CPNE8: variants seen among roughly 807,000 people sequenced by gnomAD.
The protein encoded by CPNE8 is copine 8.
In CPNE8, 45 loss-of-function variants were observed where a neutral mutation model predicts 81.5. The observed-to-expected ratio is 0.55, with a 90% CI of 0.44 to 0.71. CPNE8 has a LOEUF of 0.71. Among genes scored for constraint, CPNE8 ranks in the 30% least tolerant of loss-of-function variants. The pLI is 0.00. For synonymous variants in CPNE8, 252 were observed against 226.3 expected, an observed-to-expected ratio of 1.11 and a Z score of -1.02; for missense variants, 594 against 672.1, an observed-to-expected ratio of 0.88 and a Z score of 1.28.
intron 10 of CPNE8, among the ~76,000 whole-genome samples, chr12:38,733,065 TA>T (rs1940870578): frequency 6.6e-6 from 1 of 151,926 alleles, no homozygotes; most frequent in Non-Finnish European, 1.5e-5. Context: ...GAGGATTTGC[TA>T]AAAGTCATAA....
At chr12:38,657,588 AC>A (rs1360889112) in intron 19 of CPNE8, among the ~76,000 whole-genome samples, 1 of 151,630 alleles carries the variant, frequency 6.6e-6, no homozygotes, top group Non-Finnish European at 1.5e-5. Flanking sequence ...TGGGTCCCTG[AC>A]CCCCGTATAG....
intron 1 of CPNE8, among the ~76,000 whole-genome samples, chr12:38,903,238 A>T (rs970093697): frequency 6.6e-6 from 1 of 152,268 alleles, no homozygotes; most frequent in Non-Finnish European, 1.5e-5. Context: ...GTAAATAGTA[A>T]GCTGAGTCAG....
chr12:38,673,950 A>G, intron 18 of CPNE8, among the ~76,000 whole-genome samples: 1 of 152,112 alleles, frequency 6.6e-6, no homozygotes, highest in East Asian at 1.9e-4. Context: ...GGAAAAAGTA[A>G]TGGGAATGTG....
intron 16 of CPNE8, among the ~76,000 whole-genome samples, chr12:38,680,040 C>A (rs1416675882): frequency 6.6e-6 from 1 of 151,708 alleles, no homozygotes; most frequent in Non-Finnish European, 1.5e-5. Flanking sequence ...AGCCAGCTGT[C>A]TTTTTTGAAA....
In CPNE8 at chr12:38,779,409, A is replaced by G. The variant is rs531466160; in HGVS notation, c.408-3108T>C. ...ACCCACAGCATAAAGCTTATATCTC[A>G]TTAACTAGATTGCCTGATTGTAGCA... On this transcript the variant is annotated intron_variant, in intron 6 of 19. Transcript: ENST00000331366. Among the ~76,000 whole-genome samples, 30 of 152,292 alleles carry G rather than the reference A, an allele frequency of 2.0e-4. No homozygotes were observed. The South Asian group carries it at 6.2e-3, about 32-fold the overall frequency.
At chr12:38,661,749 A>G (rs1000161529) in intron 19 of CPNE8, among the ~76,000 whole-genome samples, 2 of 152,184 alleles carry the variant, frequency 1.3e-5, no homozygotes, top group African/African-American at 2.4e-5. Context: ...AGATGCAAAC[A>G]TCTTCAACGA....
chr12:38,711,468 CT>C (rs143490216), intron 13 of CPNE8, among the ~76,000 whole-genome samples: 51,450 of 142,154 alleles, frequency 0.36, 10,000 homozygotes, highest in Middle Eastern at 0.47. Flanking sequence ...AAGTGTAGTT[CT>C]TTTTTTTTTT....
At chr12:38,872,543 T>C (rs1310695449) in intron 3 of CPNE8, among the ~76,000 whole-genome samples, 1 of 152,250 alleles carries the variant, frequency 6.6e-6, no homozygotes, top group East Asian at 1.9e-4. Flanking sequence ...TCACTTTTGC[T>C]TCATTAAACA....
intron 6 of CPNE8, among the ~76,000 whole-genome samples, chr12:38,814,457 C>A (rs1460210052): frequency 6.6e-6 from 1 of 151,596 alleles, no homozygotes; most frequent in African/African-American, 2.4e-5. Context: ...ACTGGGACTA[C>A]AGGCACACAC....
chr12:38,851,754 T>A (rs530291616), intron 3 of CPNE8, among the ~76,000 whole-genome samples: 1 of 152,342 alleles, frequency 6.6e-6, no homozygotes, highest in Admixed American at 6.5e-5. Flanking sequence ...AGCCAAAAAA[T>A]TTTAATGGCT....
intron 13 of CPNE8, among the ~76,000 whole-genome samples, chr12:38,715,080 T>G (rs1940352878): frequency 6.6e-6 from 1 of 152,070 alleles, no homozygotes; most frequent in South Asian, 2.1e-4. Context: ...TCCATTATTT[T>G]TTTGTGAGAA....
intron 4 of CPNE8, among the ~76,000 whole-genome samples, chr12:38,842,820 C>T (rs976416724): frequency 1.2e-4 from 18 of 152,036 alleles, no homozygotes; most frequent in African/African-American, 4.3e-4. Flanking sequence ...TCAAGTAATC[C>T]GCCCCCCTCA....
At chr12:38,897,934 G>A (rs1055405444) in intron 1 of CPNE8, among the ~76,000 whole-genome samples, 6 of 152,086 alleles carry the variant, frequency 3.9e-5, no homozygotes, top group Non-Finnish European at 7.4e-5. Context: ...GGAAACTGAG[G>A]AACAGATGTT....
intron 3 of CPNE8, among the ~76,000 whole-genome samples, chr12:38,868,797 G>A (rs185316734): frequency 5.9e-5 from 9 of 152,240 alleles, no homozygotes; most frequent in Non-Finnish European, 8.8e-5. Context: ...TTAAGAGTCT[G>A]AAGAAAGTAC....
At chr12:38,712,068 T>TA (rs1940272285) in intron 13 of CPNE8, among the ~76,000 whole-genome samples, 1 of 151,754 alleles carries the variant, frequency 6.6e-6, no homozygotes. Context: ...AAAAGCATTA[T>TA]AAAAAATTCT....
chr12:38,671,318 CT>C (rs546269736), intron 18 of CPNE8, among the ~76,000 whole-genome samples: 69 of 152,152 alleles, frequency 4.5e-4, no homozygotes, highest in African/African-American at 1.2e-3. Context: ...CTGATTTTTA[CT>C]TTACAAATAG....
At chr12:38,742,673 TATAAATAAATAA>T (rs1555151385) in intron 10 of CPNE8, among the ~76,000 whole-genome samples, 12 of 68,840 alleles carry the variant, frequency 1.7e-4, no homozygotes, top group Admixed American at 5.3e-4. Context: ...GAACTTAAAA[TATAAATAAATAA>T]ATAAATAAAT....
chr12:38,801,247 C>A (rs1278670458), intron 6 of CPNE8, among the ~76,000 whole-genome samples: 719 of 38,896 alleles, frequency 0.018, 32 homozygotes, highest in African/African-American at 0.075. Flanking sequence ...ATGTTAAGGG[C>A]AGCCAGAGAG....
chr12:38,803,646 A>C (rs1036757131), intron 6 of CPNE8, among the ~76,000 whole-genome samples: 1 of 148,644 alleles, frequency 6.7e-6, no homozygotes, highest in Non-Finnish European at 1.5e-5. Context: ...TAGTGTTGGA[A>C]GTTCTGGCCA....
Sources: gnomAD v4.1 joint callset for allele counts (sites outside exome capture counted in the v4.1 genomes callset) on GRCh38, gnomAD v4.1.1 for gene constraint, MANE v1.5 for transcripts, NCBI Gene and HGNC (gene_info 2026-07-23, HGNC 2026-07-21) for gene names.